Variants in B4GALNT1 observed in about 807,000 individuals in gnomAD.
The protein encoded by B4GALNT1 is beta-1,4 N-acetylgalactosaminyltransferase 1.
A neutral mutation model predicts 55.2 loss-of-function variants in B4GALNT1; 43 were observed. The ratio of observed to expected loss-of-function variants is 0.78; its 90% CI spans 0.61 to 1.00. The LOEUF (loss-of-function observed/expected upper bound fraction) is 1.00. Among genes scored for constraint, B4GALNT1 ranks in the 50% least tolerant of loss-of-function variants. B4GALNT1 has a pLI of 0.00. For synonymous variants in B4GALNT1, 305 were observed against 311.6 expected, an observed-to-expected ratio of 0.98 and a Z score of 0.22; for missense variants, 664 against 729.7, an observed-to-expected ratio of 0.91 and a Z score of 1.04.
chr12:57,626,389 C>T lies in B4GALNT1; in HGVS notation c.*355G>A, dbSNP rs1251846988. ...GTGTTGGGGAACTTCCCCACCCCCT[C>T]GGTCCCAAGATGAGAGGACAGTGTT... is the stretch of plus-strand genomic sequence containing the variant. On this transcript the variant is annotated 3_prime_UTR_variant, in exon 11 of 11. Coordinates refer to ENST00000341156, the MANE Select transcript of B4GALNT1 (RefSeq NM_001478.5). 4 of 314,170 alleles carry T rather than the reference C, an allele frequency of 1.3e-5. No homozygotes were observed. Among genetic ancestry groups the T allele is most frequent in the South Asian group, 3.4e-5 (1 of 29,586 alleles). 19.5% of individuals were successfully genotyped at this position (314,170 alleles called of 1,614,324 possible). A position where few individuals can be genotyped will look rare whatever the true frequency, so the allele number is the denominator to read the frequency against.
In B4GALNT1 at chr12:57,623,974, G is replaced by A; in HGVS notation, c.*2770C>T. 6.2e-7 allele frequency: 1 copy of A among 1,612,612 alleles called. No individual in the cohort carries two copies. Among genetic ancestry groups the A allele is most frequent in the Non-Finnish European group, 8.5e-7 (1 of 1,179,108 alleles). ...GGGTAGCTGTATTCCAGGACATCGA[G>A]GTAGTCAGCCCACCTCCTCTGCCTC... On this transcript the variant is annotated 3_prime_UTR_variant, in exon 11 of 11. Transcript: ENST00000341156.
rs1831030967 is a variant in B4GALNT1 at position 57,625,361 on chromosome 12, A to T, written c.*1383T>A. The T allele has an allele frequency of 2.5e-6, 4 of 1,613,412 alleles. No individual in the cohort carries two copies. Among genetic ancestry groups the T allele is most frequent in the Admixed American group, 3.3e-5 (2 of 60,008 alleles). On this transcript the variant is annotated 3_prime_UTR_variant, in exon 11 of 11. Transcript: ENST00000341156. Reference sequence around the variant, plus strand: ...TTGAGGAGAAACCCCTTAGCATCTCACTCATACCCTCTGATCTGGGACTTA... The same window carrying T: ...TTGAGGAGAAACCCCTTAGCATCTCTCTCATACCCTCTGATCTGGGACTTA...
chr12:57,625,061 G>A lies in B4GALNT1; in HGVS notation c.*1683C>T. On this transcript the variant is annotated 3_prime_UTR_variant, in exon 11 of 11. Coordinates refer to ENST00000341156, the MANE Select transcript of B4GALNT1 (RefSeq NM_001478.5). Reference sequence around the variant, plus strand: ...TGGGTGTTCTGAGGGGGATCCTTGTGCTCAAGGGGTGCATGTTCATGCTGT... The same window carrying A: ...TGGGTGTTCTGAGGGGGATCCTTGTACTCAAGGGGTGCATGTTCATGCTGT... The A allele has an allele frequency of 6.2e-7, 1 of 1,613,938 alleles. No homozygotes were observed. The highest frequency in any genetic ancestry group is 8.5e-7 in the Non-Finnish European group (1 of 1,179,814).
chr12:57,629,426 C>G, intron 6 of B4GALNT1: 1 of 351,750 alleles, frequency 2.8e-6, no homozygotes, highest in Non-Finnish European at 5.1e-6. Flanking sequence ...CCCATGATAG[C>G]CCTATTAAGT....
rs773818946 is a variant in B4GALNT1, at chr12:57,624,618, G to A, written c.*2126C>T. 2.8e-6 allele frequency: 2 copies of A among 710,166 alleles called. No homozygotes were observed. The highest frequency in any genetic ancestry group is 1.8e-5 in the Admixed American group (1 of 55,062). The allele number at this position is 710,166 out of a possible 1,614,324, so 44.0% of individuals were successfully genotyped here. ...TGCCGCACCCGGAGGTGGGCATAGA[G>A]ATGAGTGGAGTTGAGGTCGGGGCAG... On this transcript the variant is annotated 3_prime_UTR_variant, in exon 11 of 11. Coordinates refer to ENST00000341156, the MANE Select transcript of B4GALNT1 (RefSeq NM_001478.5).
In B4GALNT1 at chr12:57,625,268, T is replaced by C; in HGVS notation, c.*1476A>G. 1.2e-6 allele frequency: 2 copies of C among 1,614,052 alleles called. No homozygotes were observed. The highest frequency in any genetic ancestry group is 1.7e-6 in the Non-Finnish European group (2 of 1,180,000). On this transcript the variant is annotated 3_prime_UTR_variant, in exon 11 of 11. Transcript: ENST00000341156. ...GCCTGTCAGGGTGGTGGTCCTAGAC[T>C]TCAGTGGTGTCACCTTTGCAGATGC...
At chr12:57,632,619 G>A (rs1055955206) in intron 1 of B4GALNT1, 153 bp downstream of exon 1, 1 of 179,652 alleles carries the variant, frequency 5.6e-6, no homozygotes, top group Non-Finnish European at 1.2e-5. Flanking sequence ...CCGTGCTGGC[G>A]GGCGCCCCCG....
In B4GALNT1 at chr12:57,630,476, A is replaced by C; in HGVS notation, c.531+2T>G. The C allele has an allele frequency of 6.2e-7, 1 of 1,606,830 alleles. No individual in the cohort carries two copies. Among genetic ancestry groups the C allele is most frequent in the Non-Finnish European group, 8.5e-7 (1 of 1,176,396 alleles). On this transcript the variant is annotated splice_donor_variant, in intron 5 of 10. Coordinates refer to ENST00000341156, the MANE Select transcript of B4GALNT1 (RefSeq NM_001478.5). LOFTEE classifies it high-confidence loss of function. ...CCTCCTTGCCTTCTTGTTTTCTCTC[A>C]CCTGGTATACCTCCTGACCAGAAGC...
chr12:57,628,652 A>G, intron 8 of B4GALNT1, 61 bp downstream of exon 8: 5 of 1,595,356 alleles, frequency 3.1e-6, no homozygotes, highest in Non-Finnish European at 4.3e-6. Context: ...GAGGCTGCAG[A>G]TTGAGGGCAC....
At position 57,624,168 on chromosome 12, in the gene B4GALNT1, C is replaced by T; in HGVS notation, c.*2576G>A. ...AGCATCCCCAGCCTCTGCCCTGAAC[C>T]AAACCTAATTGTCCTGGTCTTAAGT... On this transcript the variant is annotated 3_prime_UTR_variant, in exon 11 of 11. Transcript: ENST00000341156. The T allele has an allele frequency of 1.4e-6, 2 of 1,458,384 alleles. No homozygotes were observed. The highest frequency in any genetic ancestry group is 1.9e-6 in the Non-Finnish European group (2 of 1,056,958). The allele number at this position is 1,458,384 out of a possible 1,614,324, so 90.3% of individuals were successfully genotyped here. A position where few individuals can be genotyped will look rare whatever the true frequency, so the allele number is the denominator to read the frequency against.
At position 57,625,937 on chromosome 12, in the gene B4GALNT1, A is replaced by G. The variant is rs1326246708; in HGVS notation, c.*807T>C. ...GTGGGGTACCCCTGAGAGGACTGCC[A>G]CATTTCATTAAGGAAGAGGGGTGCC... On this transcript the variant is annotated 3_prime_UTR_variant, in exon 11 of 11. Transcript: ENST00000341156. 2 of 532,308 alleles carry G rather than the reference A, an allele frequency of 3.8e-6. No homozygotes were observed. The highest frequency in any genetic ancestry group is 6.2e-6 in the Non-Finnish European group (2 of 325,198). The allele number at this position is 532,308 out of a possible 1,614,324, so 33.0% of individuals were successfully genotyped here. A position where few individuals can be genotyped will look rare whatever the true frequency, so the allele number is the denominator to read the frequency against.
Position 57,625,402 on chromosome 12 carries a change from C to A in B4GALNT1, c.*1342G>T, listed in dbSNP as rs763306203. 6.2e-7 allele frequency: 1 copy of A among 1,614,060 alleles called. No individual in the cohort carries two copies. On this transcript the variant is annotated 3_prime_UTR_variant, in exon 11 of 11. Coordinates refer to ENST00000341156, the MANE Select transcript of B4GALNT1 (RefSeq NM_001478.5). ...CTGGGACTTAACCCCTTTGCCCCAT[C>A]CCTGCAGCTGGCCAGCCGATGTCGA...
rs748005543 is a variant in B4GALNT1, at chr12:57,625,384, T to G, written c.*1360A>C. The stretch of plus-strand genomic sequence containing the variant: ...TCACTCATACCCTCTGATCTGGGAC[T>G]TAACCCCTTTGCCCCATCCCTGCAG... On this transcript the variant is annotated 3_prime_UTR_variant, in exon 11 of 11. Coordinates refer to ENST00000341156, the MANE Select transcript of B4GALNT1 (RefSeq NM_001478.5). 4 of 1,614,060 alleles carry G rather than the reference T, an allele frequency of 2.5e-6. No homozygotes were observed. Among genetic ancestry groups the G allele is most frequent in the Non-Finnish European group, 3.4e-6 (4 of 1,180,030 alleles).
chr12:57,629,942 G>C (rs1239271963), intron 6 of B4GALNT1: 1 of 1,536,270 alleles, frequency 6.5e-7, no homozygotes, highest in Admixed American at 2.0e-5. Context: ...CAAGGCTCGG[G>C]TTTCCCTCTG....
chr12:57,632,190 T>G, intron 1 of B4GALNT1, 57 bp from the exon 2 acceptor site: 5 of 1,429,114 alleles, frequency 3.5e-6, no homozygotes, highest in Non-Finnish European at 4.8e-6. Flanking sequence ...GGGCAAGGGA[T>G]GGGGCCCTTG....
Position 57,626,778 on chromosome 12 carries a change from A to C in B4GALNT1, c.1568T>G (p.Phe523Cys). The C allele has an allele frequency of 6.2e-7, 1 of 1,614,200 alleles. No homozygotes were observed. The highest frequency in any genetic ancestry group is 8.5e-7 in the Non-Finnish European group (1 of 1,180,032). ...GGTCATGCACTGCAGCCGGTGTTTG[A>C]AGAAGAGCAGCCGGTGTTTGGCCAT... ...SQMAKHRLLFFKHRLQCMTSQ is the reference protein window; with the variant it reads ...SQMAKHRLLFCKHRLQCMTSQ The change falls in exon 11 of 11, where the codon TTC becomes TGC. Residue 523 changes from phenylalanine (F) to cysteine (C), a missense_variant. Transcript: ENST00000341156.
At chr12:57,632,311 C>A in intron 1 of B4GALNT1, 178 bp from the exon 2 acceptor site, 1 of 716,552 alleles carries the variant, frequency 1.4e-6, no homozygotes, top group Non-Finnish European at 2.5e-6. Context: ...CCTCCCCTCA[C>A]TTCCCAGGCC....
rs370106934 is a variant in B4GALNT1 at position 57,625,742 on chromosome 12, G to A, written c.*1002C>T. 5.2e-5 allele frequency: 80 copies of A among 1,525,260 alleles called. No individual in the cohort carries two copies. The highest frequency in any genetic ancestry group is 6.8e-5 in the Non-Finnish European group (77 of 1,138,848). 94.5% of individuals were successfully genotyped at this position (1,525,260 alleles called of 1,614,324 possible). A position where few individuals can be genotyped will look rare whatever the true frequency, so the allele number is the denominator to read the frequency against. The stretch of plus-strand genomic sequence containing the variant: ...GCCAGGAGGCACTGGGCTGCGGCAA[G>A]TGAGGCAGGGGTAAGTGGCTGGAGA... On this transcript the variant is annotated 3_prime_UTR_variant, in exon 11 of 11. Transcript: ENST00000341156.
intron 2 of B4GALNT1, among the ~76,000 whole-genome samples, 162 bp from the exon 3 acceptor site, chr12:57,631,526 A>C (rs983627581): frequency 2.6e-5 from 4 of 152,174 alleles, no homozygotes; most frequent in Admixed American, 6.5e-5. Context: ...GAGGGGGACC[A>C]AGGATCGGAT....
Sources: gnomAD v4.1 joint callset for allele counts (sites outside exome capture counted in the v4.1 genomes callset) on GRCh38, gnomAD v4.1.1 for gene constraint, MANE v1.5 for transcripts, NCBI Gene and HGNC (gene_info 2026-07-23, HGNC 2026-07-21) for gene names.